Variants in CTNNA2 observed in about 807,000 individuals in gnomAD.
CTNNA2 encodes the protein catenin alpha 2.
A neutral mutation model predicts 101.0 loss-of-function variants in CTNNA2; 42 were observed. The observed-to-expected ratio is 0.42, with a 90% CI of 0.32 to 0.54. CTNNA2 has a LOEUF of 0.54. CTNNA2 is among the 20% of genes least tolerant of loss of function. The pLI is 0.14. For synonymous variants in CTNNA2, 450 were observed against 456.4 expected (o/e 0.99, Z 0.18); for missense variants, 871 against 1,223.1 (o/e 0.71, Z 4.29).
chr2:79,901,918 C>T (rs550744571), intron 6 of CTNNA2, among the ~76,000 whole-genome samples: 1 of 152,294 alleles, frequency 6.6e-6, no homozygotes, highest in East Asian at 1.9e-4. Context: ...TAGATACAAA[C>T]TCAGCTTTAA....
chr2:79,648,039 G>T (rs982460544), intron 1 of CTNNA2, among the ~76,000 whole-genome samples: 12 of 152,182 alleles, frequency 7.9e-5, no homozygotes, highest in African/African-American at 2.9e-4. Flanking sequence ...CAATAGCAAT[G>T]GAATAGGAAA....
chr2:80,155,194 A>T (rs1703937893), intron 7 of CTNNA2, among the ~76,000 whole-genome samples: 1 of 152,168 alleles, frequency 6.6e-6, no homozygotes, highest in African/African-American at 2.4e-5. Flanking sequence ...AATCTCTTGG[A>T]CCCCTATAAT....
At chr2:79,566,124 A>G (rs1428782026) in intron 1 of CTNNA2, among the ~76,000 whole-genome samples, 2 of 152,086 alleles carry the variant, frequency 1.3e-5, no homozygotes, top group Non-Finnish European at 2.9e-5. Context: ...ACTAAAAGAT[A>G]CCTATTAAAT....
intron 1 of CTNNA2, among the ~76,000 whole-genome samples, chr2:79,187,077 T>C (rs1673786520): frequency 6.6e-6 from 1 of 151,920 alleles, no homozygotes; most frequent in South Asian, 2.1e-4. Context: ...TTATTGAAAA[T>C]AATGGTGGAA....
At chr2:79,258,465 T>C (rs1558589525) in intron 2 of CTNNA2, among the ~76,000 whole-genome samples, 1 of 152,172 alleles carries the variant, frequency 6.6e-6, no homozygotes, top group African/African-American at 2.4e-5. Flanking sequence ...AGCTCTGGAC[T>C]TGAATCTGTA....
chr2:80,367,667 T>A (rs1457820297), intron 7 of CTNNA2, among the ~76,000 whole-genome samples: 17 of 152,122 alleles, frequency 1.1e-4, no homozygotes, highest in Non-Finnish European at 2.9e-5. Flanking sequence ...CTTTTTTTTA[T>A]AACTTTTATA....
At chr2:79,220,176 G>A (rs4853442) in intron 2 of CTNNA2, among the ~76,000 whole-genome samples, 3,713 of 151,618 alleles carry the variant, frequency 0.024, 149 homozygotes, top group East Asian at 0.15. Flanking sequence ...GTGTGTGTGT[G>A]TATATATATA....
At chr2:80,151,697 T>C (rs1703710383) in intron 7 of CTNNA2, among the ~76,000 whole-genome samples, 4 of 152,204 alleles carry the variant, frequency 2.6e-5, no homozygotes, top group African/African-American at 9.6e-5. Flanking sequence ...GCTCCACCAC[T>C]GTTAGCTGAG....
At chr2:80,429,374 A>G (rs1257643649) in intron 9 of CTNNA2, among the ~76,000 whole-genome samples, 2 of 152,142 alleles carry the variant, frequency 1.3e-5, no homozygotes, top group Non-Finnish European at 2.9e-5. Flanking sequence ...TTAATAATTG[A>G]CCCAATGTCA....
chr2:79,346,141 A>T (rs1436995057), intron 3 of CTNNA2, among the ~76,000 whole-genome samples: 1 of 152,146 alleles, frequency 6.6e-6, no homozygotes, highest in African/African-American at 2.4e-5. Context: ...CTGTCTAGAA[A>T]CATGATTAAA....
intron 6 of CTNNA2, among the ~76,000 whole-genome samples, chr2:79,897,942 A>G (rs112990854): frequency 2.0e-5 from 3 of 152,230 alleles, no homozygotes; most frequent in Non-Finnish European, 4.4e-5. Flanking sequence ...CTCTTTTATA[A>G]GTGCCTTAAT....
intron 2 of CTNNA2, among the ~76,000 whole-genome samples, chr2:79,216,378 G>A (rs1674259700): frequency 6.6e-6 from 1 of 151,892 alleles, no homozygotes; most frequent in Non-Finnish European, 1.5e-5. Flanking sequence ...TTACCCTCCA[G>A]AAAAGCAGGA....
At chr2:80,210,621 C>A (rs1707826965) in intron 7 of CTNNA2, among the ~76,000 whole-genome samples, 1 of 152,154 alleles carries the variant, frequency 6.6e-6, no homozygotes. Flanking sequence ...CATTGATGGA[C>A]ATTTGGGTTG....
intron 3 of CTNNA2, among the ~76,000 whole-genome samples, chr2:79,835,393 C>G (rs1232957794): frequency 2.6e-5 from 4 of 152,016 alleles, no homozygotes; most frequent in Non-Finnish European, 5.9e-5. Flanking sequence ...GAAAATGACC[C>G]AACATTTTAG....
At chr2:79,398,465 TG>T (rs1678254776) in intron 4 of CTNNA2, among the ~76,000 whole-genome samples, 1 of 152,138 alleles carries the variant, frequency 6.6e-6, no homozygotes, top group African/African-American at 2.4e-5. Flanking sequence ...TCAGTAGGTC[TG>T]GGTTGGGTCC....
At chr2:80,566,570 A>C (rs1694080085) in intron 12 of CTNNA2, among the ~76,000 whole-genome samples, 1 of 152,228 alleles carries the variant, frequency 6.6e-6, no homozygotes, top group African/African-American at 2.4e-5. Context: ...CTGGTATAAT[A>C]GCCCTATTAC....
intron 3 of CTNNA2, among the ~76,000 whole-genome samples, chr2:79,755,112 G>A (rs909543977): frequency 1.3e-5 from 2 of 151,952 alleles, no homozygotes; most frequent in African/African-American, 4.8e-5. Flanking sequence ...GATTGCTTGA[G>A]GTTAGTAGTT....
intron 7 of CTNNA2, among the ~76,000 whole-genome samples, chr2:80,116,376 TAAA>T (rs563446744): frequency 6.1e-5 from 4 of 65,318 alleles, no homozygotes; most frequent in Admixed American, 1.6e-4. Context: ...CCTAAAAAGC[TAAA>T]AAAAAAAAAA....
chr2:80,641,260 C>T (rs190975261), intron 18 of CTNNA2, among the ~76,000 whole-genome samples: 42 of 152,236 alleles, frequency 2.8e-4, no homozygotes, highest in African/African-American at 9.9e-4. Context: ...TTTAGCTTAG[C>T]CAGCGGTCCC....
Sources: allele counts gnomAD v4.1 joint callset (sites outside exome capture counted in the v4.1 genomes callset), GRCh38; gene constraint gnomAD v4.1.1; transcripts MANE v1.5; gene names NCBI Gene and HGNC (gene_info 2026-07-23, HGNC 2026-07-21).